Variants in WWOX observed in about 807,000 individuals in gnomAD.
The protein encoded by WWOX is WW domain containing oxidoreductase, also known as WW domain-containing oxidoreductase.
A neutral mutation model predicts 46.2 loss-of-function variants in WWOX; 69 were observed. The ratio of observed to expected loss-of-function variants is 1.49; its 90% CI spans 1.23 to 1.82. The LOEUF is 1.82. Among genes scored for constraint, WWOX ranks in the 40% most tolerant of loss-of-function variants. WWOX has a pLI of 0.00. For missense variants in WWOX, 919 were observed against 542.6 expected, an observed-to-expected ratio of 1.69 and a Z score of -6.89; for synonymous variants, 359 against 202.6, an observed-to-expected ratio of 1.77 and a Z score of -6.56.
intron 6 of WWOX, among the ~76,000 whole-genome samples, chr16:78,395,317 G>A (rs1449259702): frequency 6.6e-6 from 1 of 152,134 alleles, no homozygotes; most frequent in African/African-American, 2.4e-5. Flanking sequence ...TCCGGAGTTT[G>A]AGACCAGCCT....
intron 5 of WWOX, among the ~76,000 whole-genome samples, chr16:78,172,882 G>T (rs1285014055): frequency 1.3e-5 from 2 of 152,214 alleles, no homozygotes. Context: ...TGGCTGAAAG[G>T]CCTGCTTTTG....
At chr16:79,103,710 T>C (rs1185358585) in intron 8 of WWOX, among the ~76,000 whole-genome samples, 1 of 152,144 alleles carries the variant, frequency 6.6e-6, no homozygotes, top group Non-Finnish European at 1.5e-5. Context: ...TAAACATTAT[T>C]ATTAATCCTA....
chr16:78,583,392 A>T (rs908254814), intron 8 of WWOX, among the ~76,000 whole-genome samples: 1 of 152,174 alleles, frequency 6.6e-6, no homozygotes, highest in Admixed American at 6.5e-5. Context: ...TACCTACTCA[A>T]GTGTAAGATG....
At position 78,242,541 on chromosome 16, in the gene WWOX, G is replaced by C. The variant is rs1401482946; in HGVS notation, c.516+78252G>C. Among the ~76,000 whole-genome samples the C allele has an allele frequency of 2.6e-5, 4 of 152,218 alleles. No homozygotes were observed. In the East Asian group the frequency reaches 7.7e-4, roughly 29 times the overall value. On this transcript the variant is annotated intron_variant, in intron 5 of 8. Transcript: ENST00000566780. ...CCAAATGTAACATTCCATTGAAAAT[G>C]AGACATAAATCCTTGAGTGAGGGAG... is the stretch of plus-strand genomic sequence containing the variant.
At chr16:79,009,706 T>C (rs2047264992) in intron 8 of WWOX, among the ~76,000 whole-genome samples, 1 of 152,066 alleles carries the variant, frequency 6.6e-6, no homozygotes, top group Non-Finnish European at 1.5e-5. Context: ...CCACCTCAGC[T>C]TCCCAAAGTG....
chr16:78,169,827 G>A (rs1213398744), intron 5 of WWOX, among the ~76,000 whole-genome samples: 2 of 152,046 alleles, frequency 1.3e-5, no homozygotes, highest in African/African-American at 2.4e-5. Flanking sequence ...GAGAGGGATT[G>A]TTATGAGTAA....
intron 8 of WWOX, among the ~76,000 whole-genome samples, chr16:78,883,024 A>C (rs2044376607): frequency 6.6e-6 from 1 of 152,074 alleles, no homozygotes; most frequent in Admixed American, 6.6e-5. Flanking sequence ...ACTGCAACTA[A>C]ATTGAAGGCT....
chr16:79,128,539 C>T (rs1451245494), intron 8 of WWOX, among the ~76,000 whole-genome samples: 1 of 152,050 alleles, frequency 6.6e-6, no homozygotes, highest in African/African-American at 2.4e-5. Flanking sequence ...GGAATGGTAC[C>T]ATGTCTTGGA....
chr16:78,359,244 C>G (rs1321270070), intron 5 of WWOX, among the ~76,000 whole-genome samples: 1 of 152,128 alleles, frequency 6.6e-6, no homozygotes, highest in Non-Finnish European at 1.5e-5. Flanking sequence ...CAAAGAAGGC[C>G]TGGGTTTGCT....
intron 8 of WWOX, among the ~76,000 whole-genome samples, chr16:78,679,632 C>G (rs771637765): frequency 6.6e-6 from 1 of 152,170 alleles, no homozygotes; most frequent in African/African-American, 2.4e-5. Context: ...TTGAAAGGAA[C>G]AGTAACAAGC....
intron 8 of WWOX, among the ~76,000 whole-genome samples, chr16:78,774,591 T>G (rs2050145137): frequency 6.6e-6 from 1 of 151,036 alleles, no homozygotes; most frequent in African/African-American, 2.4e-5. Flanking sequence ...CATATGCACA[T>G]AAGATAGCAT....
intron 8 of WWOX, among the ~76,000 whole-genome samples, chr16:78,512,167 T>C (rs1008731109): frequency 1.3e-5 from 2 of 152,180 alleles, no homozygotes; most frequent in African/African-American, 4.8e-5. Context: ...AGCCCTGTGG[T>C]GTTTCCTCAG....
At chr16:78,401,387 G>A (rs1435288233) in intron 6 of WWOX, among the ~76,000 whole-genome samples, 1 of 152,124 alleles carries the variant, frequency 6.6e-6, no homozygotes, top group African/African-American at 2.4e-5. Flanking sequence ...ACTTGACATG[G>A]CAAAATTCTA....
At chr16:78,460,258 G>T (rs1403965966) in intron 8 of WWOX, among the ~76,000 whole-genome samples, 1 of 152,078 alleles carries the variant, frequency 6.6e-6, no homozygotes, top group Non-Finnish European at 1.5e-5. Flanking sequence ...CTTCCAAGTA[G>T]CTGGTTTTGC....
intron 6 of WWOX, among the ~76,000 whole-genome samples, chr16:78,393,401 T>A (rs1416517149): frequency 2.6e-5 from 4 of 152,178 alleles, no homozygotes; most frequent in African/African-American, 4.8e-5. Flanking sequence ...TTCATGCCTA[T>A]AATCCCAGCG....
At chr16:78,874,645 A>G (rs1378839656) in intron 8 of WWOX, among the ~76,000 whole-genome samples, 2 of 151,244 alleles carry the variant, frequency 1.3e-5, no homozygotes, top group African/African-American at 4.9e-5. Flanking sequence ...ACAAAAATTG[A>G]AACACCTTCA....
At position 78,426,264 on chromosome 16, in the gene WWOX, G is replaced by T. The variant is rs949407233; in HGVS notation, c.791+1209G>T. 2.0e-5 allele frequency among the ~76,000 whole-genome samples: 3 copies of T among 152,190 alleles called. No individual in the cohort carries two copies. The East Asian group carries it at 5.8e-4, about 29-fold the overall frequency. ...AGGGGCGAGGGAGGCTACTGTGGGG[G>T]CAGGCAGCAGAGAGAGCTCCAGAAA... On this transcript the variant is annotated intron_variant, in intron 7 of 8. Transcript: ENST00000566780.
At chr16:78,565,610 T>G (rs2044545653) in intron 8 of WWOX, among the ~76,000 whole-genome samples, 1 of 152,190 alleles carries the variant, frequency 6.6e-6, no homozygotes, top group South Asian at 2.1e-4. Context: ...TAATCACATC[T>G]TCAGAGTCCC....
At chr16:78,670,659 C>G (rs564444384) in intron 8 of WWOX, among the ~76,000 whole-genome samples, 3 of 151,950 alleles carry the variant, frequency 2.0e-5, no homozygotes, top group African/African-American at 7.3e-5. Flanking sequence ...GGAAATAAGG[C>G]CTTTTTAATT....
Sources: gnomAD v4.1 joint callset for allele counts (sites outside exome capture counted in the v4.1 genomes callset) on GRCh38, gnomAD v4.1.1 for gene constraint, MANE v1.5 for transcripts, NCBI Gene and HGNC (gene_info 2026-07-23, HGNC 2026-07-21) for gene names.